Variants in SCAF8 observed in about 807,000 individuals in gnomAD.
SCAF8 encodes the protein SR-related CTD associated factor 8.
A neutral mutation model predicts 140.5 loss-of-function variants in SCAF8; 23 were observed. That is an observed-to-expected ratio of 0.16 (90% CI 0.12 to 0.23). The LOEUF is 0.23. Ranked by LOEUF, SCAF8 falls within the 10% of genes least tolerant of loss-of-function variation. The pLI is 1.00. For synonymous variants in SCAF8, 575 were observed against 528.9 expected, an observed-to-expected ratio of 1.09 and a Z score of -1.20; for missense variants, 1,397 against 1,555.7, an observed-to-expected ratio of 0.90 and a Z score of 1.72.
intron 3 of SCAF8, among the ~76,000 whole-genome samples, chr6:154,781,694 T>A (rs1003644755): frequency 2.0e-5 from 3 of 152,202 alleles, no homozygotes; most frequent in African/African-American, 7.2e-5. Flanking sequence ...ATTCACTCAT[T>A]GGGGTTCATC....
At chr6:154,822,453 A>G (rs2114678067) in intron 16 of SCAF8, 44 bp downstream of exon 16, 2 of 1,559,362 alleles carry the variant, frequency 1.3e-6, no homozygotes, top group South Asian at 2.4e-5. Flanking sequence ...GTTGTTTTAC[A>G]TTTCTGTTTT....
rs1232294507 is a variant in SCAF8, at chr6:154,831,994, T to C, written c.2415T>C (p.Asn805=). ...NAAILGGQPP[N]VTSNSGILGV... ...CAATTTTAGGAGGACAGCCGCCAAA[T>C]GTGACAAGCAATTCTGGAATTCTGG... The change falls in exon 20 of 20, where the codon AAT becomes AAC. Residue 805 remains asparagine, a synonymous_variant. Transcript: ENST00000367178. 2 of 1,613,232 alleles carry C rather than the reference T, an allele frequency of 1.2e-6. No homozygotes were observed. Among genetic ancestry groups the C allele is most frequent in the Non-Finnish European group, 1.7e-6 (2 of 1,179,620 alleles).
chr6:154,789,469 A>G (rs1777348863), intron 4 of SCAF8, among the ~76,000 whole-genome samples: 1 of 151,924 alleles, frequency 6.6e-6, no homozygotes, highest in South Asian at 2.1e-4. Context: ...ACTCCTTGAG[A>G]CAGAAAGTTT....
At chr6:154,748,443 A>T (rs576635528) in intron 1 of SCAF8, among the ~76,000 whole-genome samples, 3 of 152,348 alleles carry the variant, frequency 2.0e-5, no homozygotes, top group East Asian at 3.9e-4. Context: ...AAAGCTCAAG[A>T]ACTGTTTGCA....
intron 1 of SCAF8, among the ~76,000 whole-genome samples, chr6:154,740,919 G>A (rs1477229888): frequency 2.6e-5 from 4 of 151,962 alleles, no homozygotes; most frequent in Admixed American, 1.3e-4. Flanking sequence ...GTGCCTGGCC[G>A]CTAAGTAAAG....
intron 1 of SCAF8, among the ~76,000 whole-genome samples, chr6:154,763,300 G>A (rs1351347110): frequency 1.3e-5 from 2 of 152,200 alleles, no homozygotes; most frequent in African/African-American, 4.8e-5. Context: ...TGTGTTGGCT[G>A]CAGAAACTTT....
At chr6:154,769,090 CAT>C (rs1489161067) in intron 1 of SCAF8, among the ~76,000 whole-genome samples, 1 of 145,130 alleles carries the variant, frequency 6.9e-6, no homozygotes, top group African/African-American at 2.5e-5. Context: ...AAAAAAATCA[CAT>C]ATAAGTAGAC....
chr6:154,734,761 T>C (rs977290420), intron 1 of SCAF8, among the ~76,000 whole-genome samples: 2 of 152,238 alleles, frequency 1.3e-5, no homozygotes, highest in African/African-American at 4.8e-5. Flanking sequence ...TAGGCCTTAA[T>C]GTAAACATCA....
intron 1 of SCAF8, among the ~76,000 whole-genome samples, chr6:154,745,737 T>C (rs550638438): frequency 4.6e-4 from 70 of 152,322 alleles, no homozygotes; most frequent in Middle Eastern, 3.4e-3. Flanking sequence ...TGTCGTCTTA[T>C]CTGAATCAGA....
rs1329719743 is a variant in SCAF8 at position 154,733,528 on chromosome 6, AG to A, written c.-369del. 2.3e-6 allele frequency: 3 copies of A among 1,302,788 alleles called. No homozygotes were observed. Among genetic ancestry groups the A allele is most frequent in the Non-Finnish European group, 2.9e-6 (3 of 1,025,224 alleles). The allele number at this position is 1,302,788 out of a possible 1,614,324, so 80.7% of individuals were successfully genotyped here. ...GGTGAAACAGGAGCCCGTCGGAGGA[AG>A]GGGCAGAAGGGAGTGGAGAGTGTAG... On this transcript the variant is annotated 5_prime_UTR_variant, in exon 1 of 20. The change abolishes the stop of an existing upstream ORF in the 5' untranslated region. Coordinates refer to ENST00000367178, the MANE Select transcript of SCAF8 (RefSeq NM_014892.5).
At chr6:154,748,922 C>T (rs1031202752) in intron 1 of SCAF8, among the ~76,000 whole-genome samples, 3 of 152,146 alleles carry the variant, frequency 2.0e-5, no homozygotes, top group Non-Finnish European at 4.4e-5. Flanking sequence ...CCAAATAATC[C>T]TATGGGTGAA....
chr6:154,765,711 G>A (rs575528726), intron 1 of SCAF8, among the ~76,000 whole-genome samples: 5 of 138,292 alleles, frequency 3.6e-5, no homozygotes, highest in African/African-American at 8.5e-5. Context: ...TTATTTAATA[G>A]GATCAGTAAA....
At chr6:154,747,896 C>CTGTGTGTG (rs71021073) in intron 1 of SCAF8, among the ~76,000 whole-genome samples, 3,202 of 144,688 alleles carry the variant, frequency 0.022, 38 homozygotes, top group Middle Eastern at 0.05. Flanking sequence ...CATTTCATTT[C>CTGTGTGTG]TGTGTGTGTG....
At chr6:154,775,534 G>A (rs149946292) in intron 2 of SCAF8, among the ~76,000 whole-genome samples, 19 of 152,240 alleles carry the variant, frequency 1.2e-4, no homozygotes, top group East Asian at 1.9e-4. Flanking sequence ...GATGTCAGAC[G>A]GGTCTGAGAG....
At chr6:154,794,323 C>T (rs1010102074) in intron 5 of SCAF8, among the ~76,000 whole-genome samples, 1 of 151,978 alleles carries the variant, frequency 6.6e-6, no homozygotes, top group Non-Finnish European at 1.5e-5. Flanking sequence ...ATTTTTGTCT[C>T]TAAAGTAAGA....
intron 11 of SCAF8, among the ~76,000 whole-genome samples, chr6:154,809,497 A>T (rs892063904): frequency 6.6e-6 from 1 of 152,160 alleles, no homozygotes; most frequent in Non-Finnish European, 1.5e-5. Flanking sequence ...AATGCTGAAG[A>T]TATCTTCATT....
rs751553295 is a variant in SCAF8 at position 154,818,465 on chromosome 6, A to AT, written c.1522-6dup. On this transcript the variant is annotated splice_polypyrimidine_tract_variant and intron_variant, in intron 13 of 19. Coordinates refer to ENST00000367178, the MANE Select transcript of SCAF8 (RefSeq NM_014892.5). Reference sequence around the variant, plus strand: ...TGTTCTTATACCTTTTCTTAAAACAATTTTTTTTATTAGATGATTCCTCCC... The same window carrying AT: ...TGTTCTTATACCTTTTCTTAAAACAATTTTTTTTTATTAGATGATTCCTCCC... 3.4e-5 allele frequency: 51 copies of AT among 1,500,932 alleles called. No individual in the cohort carries two copies. Among genetic ancestry groups the AT allele is most frequent in the South Asian group, 8.6e-5 (7 of 81,146 alleles). 93.0% of individuals were successfully genotyped at this position (1,500,932 alleles called of 1,614,324 possible). A position where few individuals can be genotyped will look rare whatever the true frequency, so the allele number is the denominator to read the frequency against.
chr6:154,746,792 A>G (rs1016268476), intron 1 of SCAF8, among the ~76,000 whole-genome samples: 6 of 152,188 alleles, frequency 3.9e-5, no homozygotes, highest in African/African-American at 1.4e-4. Flanking sequence ...ATTAATTTGA[A>G]ATAGAGTTAG....
Position 154,832,371 on chromosome 6 carries a change from T to TA in SCAF8, c.2793dup (p.Pro932ThrfsTer28). Reference sequence around the variant, plus strand: ...ATGTTAGACATTCGTCCGGGACTAATACCACAGGCACCTGGGCCAAGATTC... The same window carrying TA: ...ATGTTAGACATTCGTCCGGGACTAATAACCACAGGCACCTGGGCCAAGATTC... On this transcript the variant is annotated frameshift_variant, in exon 20 of 20. Transcript: ENST00000367178. LOFTEE classifies it high-confidence loss of function. The TA allele has an allele frequency of 6.2e-7, 1 of 1,614,056 alleles. No homozygotes were observed. Among genetic ancestry groups the TA allele is most frequent in the Non-Finnish European group, 8.5e-7 (1 of 1,180,020 alleles).
Sources: gnomAD v4.1 joint callset for allele counts (sites outside exome capture counted in the v4.1 genomes callset) on GRCh38, gnomAD v4.1.1 for gene constraint, MANE v1.5 for transcripts, NCBI Gene and HGNC (gene_info 2026-07-23, HGNC 2026-07-21) for gene names.